The following ARHGEF3 variants were observed in gnomAD, a reference collection of about 807,000 sequenced individuals.
The protein encoded by ARHGEF3 is 59.8 kDA protein.
A neutral mutation model predicts 63.2 loss-of-function variants in ARHGEF3; 28 were observed. The ratio of observed to expected loss-of-function variants is 0.44; its 90% CI spans 0.33 to 0.61. The LOEUF (loss-of-function observed/expected upper bound fraction) is 0.61. Ranked by LOEUF, ARHGEF3 falls within the 20% of genes least tolerant of loss-of-function variation. The pLI is 0.03. For missense variants in ARHGEF3, 533 were observed against 659.3 expected, an observed-to-expected ratio of 0.81 and a Z score of 2.10; for synonymous variants, 266 against 254.2, an observed-to-expected ratio of 1.05 and a Z score of -0.44.
intron 3 of ARHGEF3, among the ~76,000 whole-genome samples, chr3:56,957,369 G>C (rs957325281): frequency 1.3e-5 from 2 of 152,194 alleles, no homozygotes; most frequent in Non-Finnish European, 2.9e-5. Context: ...AAAGACTAAA[G>C]ACCTGAACTT....
chr3:56,896,437 G>A (rs2041304187), intron 3 of ARHGEF3, among the ~76,000 whole-genome samples: 1 of 152,140 alleles, frequency 6.6e-6, no homozygotes, highest in South Asian at 2.1e-4. Context: ...ATCAAAAGCA[G>A]GAAACTTAAC....
intron 4 of ARHGEF3, among the ~76,000 whole-genome samples, chr3:56,855,780 G>A (rs1363280932): frequency 6.6e-6 from 1 of 152,052 alleles, no homozygotes; most frequent in Non-Finnish European, 1.5e-5. Context: ...CACTAAAGTG[G>A]AAGGAAAAAC....
At chr3:56,861,825 TTCTC>T (rs1445557844) in intron 4 of ARHGEF3, among the ~76,000 whole-genome samples, 19 of 151,804 alleles carry the variant, frequency 1.3e-4, no homozygotes, top group African/African-American at 4.3e-4. Context: ...TCTTCCTCCT[TTCTC>T]TCTTCTAAAA....
chr3:57,027,700 C>CA (rs1173464150), intron 2 of ARHGEF3, among the ~76,000 whole-genome samples: 12 of 151,026 alleles, frequency 7.9e-5, no homozygotes, highest in Middle Eastern at 3.4e-3. Context: ...ACTAAAAATA[C>CA]AAAAAAAAAT....
At chr3:56,893,877 C>A (rs2041209508) in intron 3 of ARHGEF3, among the ~76,000 whole-genome samples, 1 of 141,558 alleles carries the variant, frequency 7.1e-6, no homozygotes, top group African/African-American at 2.6e-5. Context: ...GGGTGCTTTA[C>A]ATGTATTATA....
chr3:57,010,455 CAA>C (rs35833729), intron 2 of ARHGEF3, among the ~76,000 whole-genome samples: 9 of 50,930 alleles, frequency 1.8e-4, no homozygotes, highest in South Asian at 6.8e-4. Context: ...GACTCCATCT[CAA>C]AAAAAAAAAA....
chr3:56,970,577 C>T (rs1180969537), intron 2 of ARHGEF3, among the ~76,000 whole-genome samples: 2 of 152,212 alleles, frequency 1.3e-5, no homozygotes, highest in African/African-American at 2.4e-5. Context: ...ACTCCCACTT[C>T]CCCCTCCAAC....
chr3:56,967,671 T>C (rs1444947252), intron 2 of ARHGEF3, among the ~76,000 whole-genome samples: 1 of 78,710 alleles, frequency 1.3e-5, no homozygotes, highest in East Asian at 4.4e-4. Flanking sequence ...TTATATATAA[T>C]ACTTATTATA....
At chr3:56,863,361 G>GCAAT (rs2040143137) in intron 4 of ARHGEF3, among the ~76,000 whole-genome samples, 1 of 150,588 alleles carries the variant, frequency 6.6e-6, no homozygotes, top group Admixed American at 6.6e-5. Context: ...GTGCAGTGGT[G>GCAAT]CAATCTTGGC....
chr3:57,048,055 C>T (rs1390822157), intron 1 of ARHGEF3, among the ~76,000 whole-genome samples: 1 of 152,168 alleles, frequency 6.6e-6, no homozygotes, highest in African/African-American at 2.4e-5. Flanking sequence ...CCTTCACGCA[C>T]TTCAGCCCCT....
intron 3 of ARHGEF3, among the ~76,000 whole-genome samples, chr3:56,934,836 G>C (rs116903637): frequency 0.12 from 17,750 of 152,282 alleles, 1,303 homozygotes; most frequent in East Asian, 0.25. Context: ...ACCACCCAAG[G>C]GCTGAGGAGC....
chr3:56,760,646 T>C (rs1254867612), intron 2 of ARHGEF3, among the ~76,000 whole-genome samples: 1 of 152,178 alleles, frequency 6.6e-6, no homozygotes, highest in East Asian at 1.9e-4. Context: ...AAACTGAGGT[T>C]GAGGGAGGCT....
intron 3 of ARHGEF3, among the ~76,000 whole-genome samples, chr3:56,951,132 G>A (rs1037798903): frequency 2.6e-5 from 4 of 151,826 alleles, no homozygotes; most frequent in Admixed American, 6.6e-5. Flanking sequence ...CCTGTTGTGC[G>A]GTGGGGGGAG....
At chr3:56,973,407 A>G (rs1701003409) in intron 2 of ARHGEF3, among the ~76,000 whole-genome samples, 1 of 152,232 alleles carries the variant, frequency 6.6e-6, no homozygotes, top group African/African-American at 2.4e-5. Context: ...GCTGCTCTAA[A>G]GAAATTTAGC....
At chr3:57,033,239 G>A (rs1037414719) in intron 2 of ARHGEF3, among the ~76,000 whole-genome samples, 7 of 152,040 alleles carry the variant, frequency 4.6e-5, no homozygotes, top group Admixed American at 1.3e-4. Flanking sequence ...ACTCTAATCC[G>A]CGGCAACCTC....
chr3:56,796,925 T>C (rs1559948676), intron 1 of ARHGEF3, among the ~76,000 whole-genome samples: 1 of 152,222 alleles, frequency 6.6e-6, no homozygotes, highest in Non-Finnish European at 1.5e-5. Flanking sequence ...CACTGCTGTG[T>C]GTAAAACAAC....
intron 2 of ARHGEF3, among the ~76,000 whole-genome samples, chr3:57,025,190 T>C (rs964346805): frequency 2.0e-5 from 3 of 152,206 alleles, no homozygotes; most frequent in African/African-American, 7.2e-5. Flanking sequence ...TACAGTGCTT[T>C]AGCCAGGAAT....
chr3:57,050,901 C>T (rs1321649863), intron 1 of ARHGEF3, among the ~76,000 whole-genome samples: 2 of 152,342 alleles, frequency 1.3e-5, no homozygotes, highest in South Asian at 4.1e-4. Context: ...ATACTCACTG[C>T]AGCATCCTTC....
intron 3 of ARHGEF3, among the ~76,000 whole-genome samples, chr3:56,918,376 A>C (rs1233101812): frequency 1.3e-5 from 2 of 152,254 alleles, no homozygotes; most frequent in Non-Finnish European, 2.9e-5. Context: ...AGGAGGAAGG[A>C]AACATTCACA....
Sources: allele counts gnomAD v4.1 joint callset (sites outside exome capture counted in the v4.1 genomes callset), GRCh38; gene constraint gnomAD v4.1.1; transcripts MANE v1.5; gene names NCBI Gene and HGNC (gene_info 2026-07-23, HGNC 2026-07-21).